TM9SF2: variants seen among roughly 807,000 people sequenced by gnomAD.
TM9SF2 encodes 76 kDa membrane protein.
TM9SF2 carries 13 observed loss-of-function variants against 84.9 expected under a neutral mutation model. That is an observed-to-expected ratio of 0.15 (90% CI 0.10 to 0.24). TM9SF2 has a LOEUF of 0.24. TM9SF2 is among the 10% of genes least tolerant of loss of function. TM9SF2 has a pLI of 1.00. For synonymous variants in TM9SF2, 273 were observed against 285.8 expected (o/e 0.96, Z 0.45); for missense variants, 562 against 818.5 (o/e 0.69, Z 3.82).
At chr13:99,508,405 AC>A (rs1170426714) in intron 1 of TM9SF2, among the ~76,000 whole-genome samples, 3 of 5,118 alleles carry the variant, frequency 5.9e-4, no homozygotes, top group African/African-American at 1.4e-3. Context: ...GGCAAACAAA[AC>A]ACACACACAC....
chr13:99,537,071 T>C (rs2139094863), intron 5 of TM9SF2, among the ~76,000 whole-genome samples: 1 of 152,302 alleles, frequency 6.6e-6, no homozygotes, highest in East Asian at 1.9e-4. Context: ...CATTATAAGT[T>C]AACTAAATTT....
intron 8 of TM9SF2, 103 bp downstream of exon 8, chr13:99,540,896 C>T: frequency 1.9e-6 from 2 of 1,080,112 alleles, no homozygotes; most frequent in South Asian, 3.0e-5. Context: ...ATTCAAAAGT[C>T]TGGCCTTGGG....
chr13:99,502,189 A>G (rs1054618535), intron 1 of TM9SF2, among the ~76,000 whole-genome samples: 10 of 152,184 alleles, frequency 6.6e-5, no homozygotes, highest in African/African-American at 2.4e-4. Flanking sequence ...CCGACTCCCT[A>G]CATGTGAGCA....
In TM9SF2 at chr13:99,547,152, C is replaced by G. The variant is rs1381448144; in HGVS notation, c.1270+48C>G. ...GGCGTCTGATCAGGAAGGGACTCTG[C>G]TGCGGCTGTGGATCTGACCTGGGTA... On this transcript the variant is annotated intron_variant, in intron 11 of 16. Transcript: ENST00000376387. 12 of 1,604,514 alleles carry G rather than the reference C, an allele frequency of 7.5e-6. No homozygotes were observed. The African/African-American group carries it at 1.3e-4, about 18-fold the overall frequency.
rs375236652 is a variant in TM9SF2 at position 99,554,289 on chromosome 13, CT to C, written c.1489-8del. ...ATACGTAATTATGAATTCTTCCTTCCTTTTTTTACTGAAGGCCATTGAACAC... is the reference window on the plus strand; with the variant it reads ...ATACGTAATTATGAATTCTTCCTTCCTTTTTTACTGAAGGCCATTGAACAC... On this transcript the variant is annotated splice_polypyrimidine_tract_variant and intron_variant, in intron 13 of 16. Transcript: ENST00000376387. 1.5e-5 allele frequency: 24 copies of C among 1,602,254 alleles called. No individual in the cohort carries two copies. Among genetic ancestry groups the C allele is most frequent in the Non-Finnish European group, 1.8e-5 (21 of 1,174,368 alleles).
At chr13:99,518,106 ATTTATT>A (rs1435506473) in intron 2 of TM9SF2, among the ~76,000 whole-genome samples, 1 of 152,212 alleles carries the variant, frequency 6.6e-6, no homozygotes, top group African/African-American at 2.4e-5. Context: ...GATTCATAGT[ATTTATT>A]TTTATTTTTA....
At chr13:99,555,481 G>A (rs78093824) in intron 14 of TM9SF2, 55 bp from the exon 15 acceptor site, 15,777 of 1,295,568 alleles carry the variant, frequency 0.012, 788 homozygotes, top group East Asian at 0.12. Flanking sequence ...ATTGTGTTAT[G>A]TATTGTGTCA....
At chr13:99,549,005 A>G (rs754532595) in intron 11 of TM9SF2, among the ~76,000 whole-genome samples, 160 bp from the exon 12 acceptor site, 1 of 152,198 alleles carries the variant, frequency 6.6e-6, no homozygotes, top group Non-Finnish European at 1.5e-5. Flanking sequence ...GATTTGGATT[A>G]TTTAATAAAG....
chr13:99,537,826 G>A lies in TM9SF2; in HGVS notation c.679G>A (p.Gly227Arg). The change falls in exon 6 of 17, where the codon GGA (glycine) becomes AGA (arginine). Residue 227 changes from glycine (G) to arginine (R), a missense_variant. Physicochemically the swap from Gly to Arg is moderately radical, Grantham distance 125 (BLOSUM62 -2). Coordinates refer to ENST00000376387, the MANE Select transcript of TM9SF2 (RefSeq NM_004800.3). Reference protein sequence around the residue: ...YYHVVETGSMGARLVAAKLEP... With the variant: ...YYHVVETGSMRARLVAAKLEP... ...TCATGTTGTTGAAACTGGGTCCATG[G>A]GAGCAAGATTAGTGGCTGCTAAACT... 1 of 1,610,128 alleles carries A rather than the reference G, an allele frequency of 6.2e-7. No individual in the cohort carries two copies. Among genetic ancestry groups the A allele is most frequent in the Non-Finnish European group, 8.5e-7 (1 of 1,179,200 alleles).
intron 1 of TM9SF2, among the ~76,000 whole-genome samples, chr13:99,513,188 A>C (rs2046120587): frequency 6.6e-6 from 1 of 152,230 alleles, no homozygotes; most frequent in South Asian, 2.1e-4. Context: ...TGAAAGTAAC[A>C]GTGTTATTCT....
chr13:99,502,719 G>A (rs1331657916), intron 1 of TM9SF2, among the ~76,000 whole-genome samples: 1 of 152,138 alleles, frequency 6.6e-6, no homozygotes, highest in African/African-American at 2.4e-5. Flanking sequence ...TAACATTTGG[G>A]GGATGAGGAT....
intron 5 of TM9SF2, 108 bp downstream of exon 5, chr13:99,536,845 AG>A: frequency 8.0e-7 from 1 of 1,251,032 alleles, no homozygotes. Context: ...TGTACAGTTC[AG>A]ATGTTCTGAA....
At chr13:99,502,546 G>C (rs1038440382) in intron 1 of TM9SF2, among the ~76,000 whole-genome samples, 1 of 152,166 alleles carries the variant, frequency 6.6e-6, no homozygotes, top group African/African-American at 2.4e-5. Flanking sequence ...TGTTTTCCTA[G>C]GGCAAGTCTT....
intron 6 of TM9SF2, among the ~76,000 whole-genome samples, chr13:99,539,133 C>T (rs1341223837): frequency 6.6e-6 from 1 of 151,154 alleles, no homozygotes; most frequent in Non-Finnish European, 1.5e-5. Flanking sequence ...TCACTTGAGC[C>T]CAGGAGTTTG....
intron 2 of TM9SF2, among the ~76,000 whole-genome samples, chr13:99,517,955 T>G (rs2046142028): frequency 6.6e-6 from 1 of 152,214 alleles, no homozygotes; most frequent in Admixed American, 6.5e-5. Flanking sequence ...TAGCTCCACA[T>G]ATTTTTAAAC....
Position 99,501,788 on chromosome 13 carries a change from C to G in TM9SF2, c.171+11C>G, listed in dbSNP as rs761242258. ...AGCGACGAGTGCAAGGTGGGTGAGG[C>G]CTGACGAGCCCTCTGATGCACTGTT... On this transcript the variant is annotated intron_variant, in intron 1 of 16. Transcript: ENST00000376387. The G allele has an allele frequency of 1.6e-5, 25 of 1,604,562 alleles. No homozygotes were observed. The highest frequency in any genetic ancestry group is 6.9e-5 in the Admixed American group (4 of 57,848).
Position 99,529,543 on chromosome 13 carries a change from A to C in TM9SF2, c.410A>C (p.Gln137Pro). 6.3e-7 allele frequency: 1 copy of C among 1,592,744 alleles called. No individual in the cohort carries two copies. The highest frequency in any genetic ancestry group is 8.5e-7 in the Non-Finnish European group (1 of 1,172,932). ...CATACAGAGAAAGCTGAAGACAAAC[A>C]AAAGTTAGAATTCTTGAAAAAAAGC... The part of the protein sequence containing the change: ...TYHTEKAEDK[Q>P]KLEFLKKSML... Residue 137 changes from glutamine to proline, a missense_variant, in exon 4 of 17, where the codon CAA becomes CCA. Gln to Pro is a moderately conservative substitution (Grantham distance 76). This residue lies in a region of TM9SF2 where 267 missense variants were observed against 316.7 expected (regional missense o/e 0.84). Coordinates refer to ENST00000376387, the MANE Select transcript of TM9SF2 (RefSeq NM_004800.3).
chr13:99,546,857 G>GCC, intron 10 of TM9SF2, 128 bp from the exon 11 acceptor site: 2 of 1,289,646 alleles, frequency 1.6e-6, no homozygotes, highest in South Asian at 1.4e-5. Flanking sequence ...CTGCATGGTA[G>GCC]GAGAGCACAT....
chr13:99,549,283 C>G, intron 12 of TM9SF2, 61 bp downstream of exon 12: 1 of 1,418,394 alleles, frequency 7.1e-7, no homozygotes. Context: ...CCCAAATTTT[C>G]AGTCGTTGAG....
Sources: allele counts gnomAD v4.1 joint callset (sites outside exome capture counted in the v4.1 genomes callset), GRCh38; gene constraint gnomAD v4.1.1; regional missense constraint gnomAD v4.1.1; transcripts MANE v1.5; gene names NCBI Gene and HGNC (gene_info 2026-07-23, HGNC 2026-07-21).